Variants in FRMPD4 observed in about 807,000 individuals in gnomAD.
The protein encoded by FRMPD4 is FERM and PDZ domain containing 4, also known as FERM and PDZ domain-containing protein 4.
Under a neutral mutation model 94.1 loss-of-function variants are expected in FRMPD4, and 22 were observed. That is an observed-to-expected ratio of 0.23 (90% CI 0.17 to 0.33). FRMPD4 has a LOEUF of 0.33. Among genes scored for constraint, FRMPD4 ranks in the 10% least tolerant of loss-of-function variants. FRMPD4 has a pLI of 1.00. For synonymous variants in FRMPD4, 631 were observed against 548.6 expected (o/e 1.15, Z -2.10); for missense variants, 1,111 against 1,339.9 (o/e 0.83, Z 2.67).
intron 2 of FRMPD4, among the ~76,000 whole-genome samples, chrX:12,533,513 A>T (rs1170579710): frequency 3.6e-5 from 4 of 111,954 alleles, no homozygotes; most frequent in Non-Finnish European, 5.6e-5. Context: ...AAAATGTGGG[A>T]AAGCTTGGAA....
chrX:11,835,526 C>T (rs12014520), intron 1 of FRMPD4, among the ~76,000 whole-genome samples: 26,225 of 111,113 alleles, frequency 0.24, 2,294 homozygotes, highest in Middle Eastern at 0.29. Context: ...GGAGGTAGGG[C>T]GTTGGGATGA....
At chrX:12,231,756 C>T (rs2057011854) in intron 1 of FRMPD4, among the ~76,000 whole-genome samples, 1 of 111,728 alleles carries the variant, frequency 9.0e-6, no homozygotes, top group Admixed American at 9.5e-5. Flanking sequence ...GGTATTTTCA[C>T]CACAAATATG....
chrX:12,720,070 GAAAGAAAGAA>G (rs1192550790), intron 16 of FRMPD4, among the ~76,000 whole-genome samples: 3 of 103,057 alleles, frequency 2.9e-5, no homozygotes, highest in East Asian at 5.9e-4. Context: ...AAGAAAGAAA[GAAAGAAAGAA>G]AGAGAAAGAA....
intron 3 of FRMPD4, among the ~76,000 whole-genome samples, chrX:12,027,728 G>T (rs958544696): frequency 3.6e-5 from 4 of 112,042 alleles, no homozygotes; most frequent in African/African-American, 1.3e-4. Context: ...CTAGTCAAAA[G>T]GAATAGTAAA....
chrX:12,073,672 A>C (rs1353601478), intron 3 of FRMPD4, among the ~76,000 whole-genome samples: 1 of 112,350 alleles, frequency 8.9e-6, no homozygotes, highest in Non-Finnish European at 1.9e-5. Flanking sequence ...AAATGAATGT[A>C]ATAATGTATC....
At chrX:12,428,698 C>T (rs755706722) in intron 1 of FRMPD4, among the ~76,000 whole-genome samples, 20 of 111,671 alleles carry the variant, frequency 1.8e-4, no homozygotes, top group South Asian at 7.7e-4. Flanking sequence ...GCTTCTTTCT[C>T]AGCAGATTTA....
At chrX:12,426,279 T>C (rs1337124784) in intron 1 of FRMPD4, among the ~76,000 whole-genome samples, 1 of 110,893 alleles carries the variant, frequency 9.0e-6, no homozygotes, top group Admixed American at 9.6e-5. Context: ...GCACTGATCC[T>C]GATTGCCTGT....
intron 3 of FRMPD4, among the ~76,000 whole-genome samples, chrX:12,082,167 G>A (rs2055067334): frequency 9.0e-6 from 1 of 111,586 alleles, no homozygotes; most frequent in Non-Finnish European, 1.9e-5. Flanking sequence ...AAGGCTTATT[G>A]ATATGGTTTG....
chrX:12,718,934 T>C lies in FRMPD4; in HGVS notation c.3964+144T>C, dbSNP rs780609508. 23 of 426,231 alleles carry C rather than the reference T, an allele frequency of 5.4e-5. No individual in the cohort carries two copies. The East Asian group carries it at 8.5e-4, about 16-fold the overall frequency. The allele number at this position is 426,231 out of a possible 1,213,427, so 35.1% of individuals were successfully genotyped here. A position where few individuals can be genotyped will look rare whatever the true frequency, so the allele number is the denominator to read the frequency against. ...CCACAGAACTGTAAAGTACCAATCATTGATCCCCTGGTATTTAATAAATAC... is the reference window on the plus strand; with the variant it reads ...CCACAGAACTGTAAAGTACCAATCACTGATCCCCTGGTATTTAATAAATAC... On this transcript the variant is annotated intron_variant, in intron 16 of 16. Coordinates refer to ENST00000675598, the MANE Select transcript of FRMPD4 (RefSeq NM_001368397.1).
At chrX:12,060,447 T>G (rs2054879235) in intron 3 of FRMPD4, among the ~76,000 whole-genome samples, 1 of 109,055 alleles carries the variant, frequency 9.2e-6, no homozygotes, top group Non-Finnish European at 1.9e-5. Context: ...CTTTTGCCCG[T>G]TTTTTAATGG....
intron 2 of FRMPD4, among the ~76,000 whole-genome samples, chrX:12,578,517 G>A (rs1018142166): frequency 9.1e-6 from 1 of 109,998 alleles, no homozygotes; most frequent in African/African-American, 3.3e-5. Flanking sequence ...CGTGTCTATT[G>A]TATAATTATA....
intron 2 of FRMPD4, among the ~76,000 whole-genome samples, chrX:12,579,207 G>A (rs1166124531): frequency 8.9e-6 from 1 of 112,267 alleles, no homozygotes; most frequent in Non-Finnish European, 1.9e-5. Context: ...AGTGCTAAAT[G>A]AATTCTCAAA....
chrX:11,843,111 C>T (rs754528402), intron 1 of FRMPD4, among the ~76,000 whole-genome samples: 2 of 111,838 alleles, frequency 1.8e-5, no homozygotes, highest in African/African-American at 6.5e-5. Context: ...TAGTTGATTT[C>T]CAACATGTTA....
At chrX:12,206,122 C>T in intron 1 of FRMPD4, among the ~76,000 whole-genome samples, 1 of 112,287 alleles carries the variant, frequency 8.9e-6, no homozygotes, top group Non-Finnish European at 1.9e-5. Flanking sequence ...TGTGATCTTT[C>T]TGAGTCTCAG....
intron 3 of FRMPD4, among the ~76,000 whole-genome samples, chrX:12,114,276 G>T (rs1601947943): frequency 9.0e-6 from 1 of 111,018 alleles, no homozygotes; most frequent in East Asian, 2.8e-4. Context: ...AATTTGAACT[G>T]TTTTCTTTTT....
At chrX:12,412,163 TATA>T (rs1445594494) in intron 1 of FRMPD4, among the ~76,000 whole-genome samples, 2 of 112,345 alleles carry the variant, frequency 1.8e-5, no homozygotes, top group African/African-American at 6.5e-5. Flanking sequence ...AGCACAAATC[TATA>T]ATAATTGGTA....
intron 4 of FRMPD4, among the ~76,000 whole-genome samples, chrX:12,621,056 A>G (rs1285391657): frequency 9.0e-6 from 1 of 110,945 alleles, no homozygotes; most frequent in Non-Finnish European, 1.9e-5. Context: ...TCCAGTCTCT[A>G]CTAAAAATAC....
At chrX:11,997,085 G>A (rs2054500302) in intron 3 of FRMPD4, among the ~76,000 whole-genome samples, 1 of 111,292 alleles carries the variant, frequency 9.0e-6, no homozygotes, top group Non-Finnish European at 1.9e-5. Context: ...ATTAGCCTGG[G>A]ATGCAAAAGG....
intron 1 of FRMPD4, among the ~76,000 whole-genome samples, chrX:12,409,682 T>C (rs1276894043): frequency 8.9e-6 from 1 of 112,575 alleles, no homozygotes; most frequent in African/African-American, 3.2e-5. Context: ...AATAGTTTAA[T>C]GGTCAAATAG....
Sources: allele counts gnomAD v4.1 joint callset (sites outside exome capture counted in the v4.1 genomes callset), GRCh38; gene constraint gnomAD v4.1.1; transcripts MANE v1.5; gene names NCBI Gene and HGNC (gene_info 2026-07-23, HGNC 2026-07-21).